Variants in PDE11A observed in about 807,000 individuals in gnomAD.
PDE11A encodes the protein dual 3',5'-cyclic-AMP and -GMP phosphodiesterase 11A.
In PDE11A, 100 loss-of-function variants were observed where a neutral mutation model predicts 100.5. The ratio of observed to expected loss-of-function variants is 1.00; its 90% CI spans 0.85 to 1.18. The LOEUF (loss-of-function observed/expected upper bound fraction) is 1.18. Ranked by LOEUF, PDE11A falls within the 50% of genes most tolerant of loss-of-function variation. The pLI, the probability that PDE11A is intolerant of heterozygous loss-of-function variation, is 0.00. For missense variants in PDE11A, 1,141 were observed against 1,152.6 expected (o/e 0.99, Z 0.15); for synonymous variants, 381 against 420.8 (o/e 0.91, Z 1.16).
At chr2:178,063,559 G>C (rs572546316) in intron 1 of PDE11A, among the ~76,000 whole-genome samples, 22 of 152,276 alleles carry the variant, frequency 1.4e-4, no homozygotes, top group African/African-American at 4.8e-4. Context: ...AACTAGACAG[G>C]GTAGGTAGCT....
intron 12 of PDE11A, among the ~76,000 whole-genome samples, chr2:177,726,975 A>T (rs2081608653): frequency 1.3e-5 from 2 of 152,112 alleles, no homozygotes; most frequent in South Asian, 4.1e-4. Flanking sequence ...AATTATGCCA[A>T]AAAAAGCCTT....
At chr2:177,854,491 A>T (rs2083794377) in intron 5 of PDE11A, among the ~76,000 whole-genome samples, 1 of 152,074 alleles carries the variant, frequency 6.6e-6, no homozygotes, top group Non-Finnish European at 1.5e-5. Flanking sequence ...TGGGGCACAG[A>T]CACATACTTC....
intron 1 of PDE11A, among the ~76,000 whole-genome samples, chr2:178,106,957 C>CAAAAAAAAAAAAAAA (rs575714643): frequency 1.6e-5 from 1 of 61,148 alleles, no homozygotes; most frequent in Non-Finnish European, 3.3e-5. Flanking sequence ...AAGACTCTCT[C>CAAAAAAAAAAAAAAA]AAAAAAAAAA....
rs925283403 is a variant in PDE11A, at chr2:177,907,819, T to G, written c.1072-2632A>C. On this transcript the variant is annotated intron_variant, in intron 2 of 19. Transcript: ENST00000286063. ...AGATTTGGGTTGCTTACATTTCAGGTTCCTCTGCTGTCATGCAATCTACTA... is the reference window on the plus strand; with the variant it reads ...AGATTTGGGTTGCTTACATTTCAGGGTCCTCTGCTGTCATGCAATCTACTA... 2.6e-5 allele frequency among the ~76,000 whole-genome samples: 4 copies of G among 152,214 alleles called. No homozygotes were observed. In the East Asian group the frequency reaches 7.7e-4, roughly 29 times the overall value.
intron 5 of PDE11A, among the ~76,000 whole-genome samples, chr2:177,841,989 T>A (rs2083498875): frequency 6.6e-6 from 1 of 152,198 alleles, no homozygotes; most frequent in African/African-American, 2.4e-5. Context: ...GAAAGCAAAA[T>A]CTAGGAGAAA....
chr2:177,853,698 GTGTGTGTGTGTGTGTT>G (rs1191768981), intron 5 of PDE11A, among the ~76,000 whole-genome samples: 19 of 35,280 alleles, frequency 5.4e-4, no homozygotes, highest in East Asian at 2.4e-3. Flanking sequence ...GTGTGTGTGT[GTGTGTGTGTGTGTGTT>G]TGTGTGTGTG....
In PDE11A at chr2:177,886,722, G is replaced by A. The variant is rs1168855257; in HGVS notation, c.1303-10799C>T. On this transcript the variant is annotated intron_variant, in intron 4 of 19. Coordinates refer to ENST00000286063, the MANE Select transcript of PDE11A (RefSeq NM_016953.4). ...GTTTTGTTTTCTAATTATAAAAGTA[G>A]TGTACAGAATGCCAGTAGAGATGGT... Among the ~76,000 whole-genome samples, 8 of 152,162 alleles carry A rather than the reference G, an allele frequency of 5.3e-5. No individual in the cohort carries two copies. The South Asian group carries it at 1.0e-3, about 20-fold the overall frequency.
chr2:177,938,043 TAGG>T (rs2085298791), intron 2 of PDE11A, among the ~76,000 whole-genome samples: 1 of 152,088 alleles, frequency 6.6e-6, no homozygotes, highest in Admixed American at 6.5e-5. Context: ...AAGGAGTTAC[TAGG>T]AGAAGCTAAA....
chr2:178,044,626 GC>G (rs1357836655), intron 1 of PDE11A, among the ~76,000 whole-genome samples: 1 of 151,882 alleles, frequency 6.6e-6, no homozygotes, highest in Non-Finnish European at 1.5e-5. Flanking sequence ...CCCCTGCCCA[GC>G]CCCCAAACTG....
At chr2:177,773,127 C>T (rs540745606) in intron 9 of PDE11A, among the ~76,000 whole-genome samples, 156 of 151,996 alleles carry the variant, frequency 1.0e-3, no homozygotes, top group Non-Finnish European at 1.9e-3. Context: ...CTCAAGTGAT[C>T]CTCCCACCTC....
intron 19 of PDE11A, among the ~76,000 whole-genome samples, chr2:177,641,192 G>A (rs996517552): frequency 2.0e-5 from 3 of 152,070 alleles, no homozygotes; most frequent in Non-Finnish European, 2.9e-5. Flanking sequence ...GCTCATCATC[G>A]CAAGTCCAAA....
intron 9 of PDE11A, among the ~76,000 whole-genome samples, chr2:177,783,068 C>G (rs1245821303): frequency 6.6e-6 from 1 of 152,214 alleles, no homozygotes. Flanking sequence ...ACTCATATTT[C>G]TGGCTTCTCT....
intron 2 of PDE11A, among the ~76,000 whole-genome samples, chr2:177,942,963 T>C (rs1027405305): frequency 1.3e-5 from 2 of 152,224 alleles, no homozygotes; most frequent in East Asian, 1.9e-4. Flanking sequence ...AATGGAGTCA[T>C]ACAATATTGT....
intron 13 of PDE11A, among the ~76,000 whole-genome samples, chr2:177,706,894 T>C (rs1157371739): frequency 1.3e-5 from 1 of 78,432 alleles, no homozygotes; most frequent in Non-Finnish European, 3.5e-5. Context: ...CCTCGGTTTT[T>C]GTTTTTTTTT....
intron 9 of PDE11A, 126 bp downstream of exon 9, chr2:177,816,703 C>A (rs1574172365): frequency 1.4e-6 from 1 of 732,392 alleles, no homozygotes; most frequent in Non-Finnish European, 2.5e-6. Context: ...AAACCCACAA[C>A]CTAAAATGAT....
intron 2 of PDE11A, among the ~76,000 whole-genome samples, chr2:177,911,086 C>T (rs1355778546): frequency 1.3e-5 from 2 of 151,122 alleles, no homozygotes; most frequent in Non-Finnish European, 3.0e-5. Flanking sequence ...AAACAGGACT[C>T]TTAAAGTCAC....
chr2:177,724,691 C>A (rs1414584863), intron 12 of PDE11A, among the ~76,000 whole-genome samples: 1 of 152,128 alleles, frequency 6.6e-6, no homozygotes, highest in African/African-American at 2.4e-5. Flanking sequence ...TCTTTTCCGA[C>A]AGACTGGTTT....
In PDE11A at chr2:177,942,950, G is replaced by A. The variant is rs139093929; in HGVS notation, c.1072-37763C>T. On this transcript the variant is annotated intron_variant, in intron 2 of 19. Coordinates refer to ENST00000286063, the MANE Select transcript of PDE11A (RefSeq NM_016953.4). ...AATTCAACTACTTTAGATACCTCAT[G>A]TAAATGGAGTCATACAATATTGTTC... Among the ~76,000 whole-genome samples, 1,454 of 152,180 alleles carry A rather than the reference G, an allele frequency of 9.6e-3. 9 individuals carry two copies. The highest frequency in any genetic ancestry group is 0.016 in the Non-Finnish European group (1,064 of 68,016).
intron 19 of PDE11A, among the ~76,000 whole-genome samples, chr2:177,647,151 T>G (rs1268304124): frequency 6.6e-6 from 1 of 152,210 alleles, no homozygotes; most frequent in African/African-American, 2.4e-5. Flanking sequence ...TACTGGAATG[T>G]TTTCTGCTAA....
Sources: allele counts gnomAD v4.1 joint callset (sites outside exome capture counted in the v4.1 genomes callset), GRCh38; gene constraint gnomAD v4.1.1; transcripts MANE v1.5; gene names NCBI Gene and HGNC (gene_info 2026-07-23, HGNC 2026-07-21).